C2orf92: variants seen among roughly 807,000 people sequenced by gnomAD.
The protein encoded by C2orf92 is chromosome 2 open reading frame 92, also known as uncharacterized protein C2orf92.
intron 5 of C2orf92, among the ~76,000 whole-genome samples, chr2:97,692,060 G>A (rs1030499198): frequency 1.3e-5 from 2 of 152,128 alleles, no homozygotes; most frequent in African/African-American, 4.8e-5. Context: ...AAAAGGCTAT[G>A]GTATTCTGAT....
At chr2:97,665,930 A>G (rs1397313961), upstream of C2orf92, 6 of 151,640 alleles carry the variant, frequency 4.0e-5, no homozygotes, top group Non-Finnish European at 8.8e-5. Context: ...GGTGTGCACC[A>G]TCACGCCCAG....
intron 1 of C2orf92, chr2:97,671,263 C>G: frequency 2.7e-6 from 1 of 376,536 alleles, no homozygotes; most frequent in Admixed American, 4.5e-5. Flanking sequence ...CCTGCCTCAG[C>G]TTCCTGAGTA....
At position 97,671,669 on chromosome 2, in the gene C2orf92, C is replaced by A. The variant is rs777941179; in HGVS notation, c.46+1835C>A. The A allele has an allele frequency of 3.3e-5, 13 of 390,328 alleles. No homozygotes were observed. The South Asian group carries it at 4.2e-4, about 13-fold the overall frequency. 24.2% of individuals were successfully genotyped at this position (390,328 alleles called of 1,614,324 possible). A position where few individuals can be genotyped will look rare whatever the true frequency, so the allele number is the denominator to read the frequency against. ...CACAGTCTCAGGAAATTAAGCAAAACAGATGATAAACACCTCAAAAGGACC... is the reference window on the plus strand; with the variant it reads ...CACAGTCTCAGGAAATTAAGCAAAAAAGATGATAAACACCTCAAAAGGACC... On this transcript the variant is annotated intron_variant, in intron 1 of 7. Transcript: ENST00000627399.
At chr2:97,684,353 A>C (rs1475842103) in intron 3 of C2orf92, among the ~76,000 whole-genome samples, 1 of 152,154 alleles carries the variant, frequency 6.6e-6, no homozygotes, top group East Asian at 1.9e-4. Flanking sequence ...GATTTTCAAC[A>C]AGGATGTCAA....
intron 5 of C2orf92, among the ~76,000 whole-genome samples, chr2:97,696,279 A>G (rs1414796999): frequency 3.3e-5 from 5 of 152,162 alleles, no homozygotes; most frequent in African/African-American, 9.7e-5. Flanking sequence ...AAGAGGGCTG[A>G]GAAGAACTGT....
At chr2:97,676,499 C>CTATG (rs1675589376) in intron 3 of C2orf92, among the ~76,000 whole-genome samples, 1 of 147,812 alleles carries the variant, frequency 6.8e-6, no homozygotes, top group Non-Finnish European at 1.5e-5. Flanking sequence ...TGCCTCATAC[C>CTATG]TATGATCCCA....
At chr2:97,701,899 C>T (rs1335354851) in intron 7 of C2orf92, among the ~76,000 whole-genome samples, 2 of 151,986 alleles carry the variant, frequency 1.3e-5, no homozygotes, top group Non-Finnish European at 2.9e-5. Flanking sequence ...GTCTACACCC[C>T]CGTCTACACC....
chr2:97,694,007 C>G (rs1676223328), intron 5 of C2orf92, among the ~76,000 whole-genome samples: 1 of 152,136 alleles, frequency 6.6e-6, no homozygotes, highest in African/African-American at 2.4e-5. Context: ...CAGCATTCAT[C>G]TCCAGAACTC....
intron 3 of C2orf92, among the ~76,000 whole-genome samples, chr2:97,688,484 TAAAG>T (rs1676034464): frequency 6.6e-6 from 1 of 152,210 alleles, no homozygotes; most frequent in Non-Finnish European, 1.5e-5. Context: ...AACAGTTTTA[TAAAG>T]AAAGAGCTTT....
chr2:97,681,165 T>TGGA (rs1553564848), intron 3 of C2orf92, among the ~76,000 whole-genome samples: 2 of 145,240 alleles, frequency 1.4e-5, no homozygotes, highest in African/African-American at 5.1e-5. Flanking sequence ...AGTAAAGGAA[T>TGGA]AGACTTGAAC....
chr2:97,694,415 A>ATGT (rs1676241888), intron 5 of C2orf92: 1 of 129,940 alleles, frequency 7.7e-6, no homozygotes, highest in African/African-American at 2.9e-5. Context: ...CGCCCGGCTA[A>ATGT]TTTTTTTTTT....
intron 3 of C2orf92, among the ~76,000 whole-genome samples, chr2:97,688,235 C>G (rs1488439280): frequency 6.6e-6 from 1 of 151,912 alleles, no homozygotes; most frequent in Non-Finnish European, 1.5e-5. Context: ...TCTGGTGTCT[C>G]TGTGGTGAGC....
chr2:97,686,289 G>A (rs1001627320), intron 3 of C2orf92, among the ~76,000 whole-genome samples: 1 of 152,140 alleles, frequency 6.6e-6, no homozygotes, highest in African/African-American at 2.4e-5. Flanking sequence ...CAATTTCCAT[G>A]ACCCAAACAC....
chr2:97,682,411 A>T (rs1675805466), intron 3 of C2orf92, among the ~76,000 whole-genome samples: 1 of 152,164 alleles, frequency 6.6e-6, no homozygotes, highest in Non-Finnish European at 1.5e-5. Flanking sequence ...CAGTCCTCAA[A>T]CCCTTCCAAG....
chr2:97,678,807 T>TA (rs58050567), intron 3 of C2orf92, among the ~76,000 whole-genome samples: 25,685 of 110,074 alleles, frequency 0.23, 3,548 homozygotes, highest in African/African-American at 0.43. Flanking sequence ...CTGTTTCTAC[T>TA]AAAAAAAAAA....
intron 5 of C2orf92, 122 bp downstream of exon 5, chr2:97,690,449 C>T (rs557072271): frequency 3.5e-5 from 13 of 375,536 alleles, no homozygotes; most frequent in South Asian, 1.5e-4. Flanking sequence ...GGTGCAGTCT[C>T]GGCTCACTGC....
intron 1 of C2orf92, among the ~76,000 whole-genome samples, chr2:97,672,816 T>C (rs1204838438): frequency 6.6e-6 from 1 of 151,956 alleles, no homozygotes; most frequent in Non-Finnish European, 1.5e-5. Flanking sequence ...TTTTCTGGTG[T>C]CTCTGTGGTG....
chr2:97,685,257 C>T (rs1421005687), intron 3 of C2orf92, among the ~76,000 whole-genome samples: 20 of 145,168 alleles, frequency 1.4e-4, no homozygotes, highest in African/African-American at 5.1e-4. Flanking sequence ...TTTTTTCTTT[C>T]TTTCTTTCTT....
chr2:97,686,911 G>A (rs189221303), intron 3 of C2orf92, among the ~76,000 whole-genome samples: 27 of 152,256 alleles, frequency 1.8e-4, no homozygotes, highest in Non-Finnish European at 3.4e-4. Flanking sequence ...CCAGCTAGTT[G>A]GGAGACTGAG....
Sources: allele counts gnomAD v4.1 joint callset (sites outside exome capture counted in the v4.1 genomes callset), GRCh38; gene constraint gnomAD v4.1.1; transcripts MANE v1.5; gene names NCBI Gene and HGNC (gene_info 2026-07-23, HGNC 2026-07-21).